Variants in MAPK4 observed in about 807,000 individuals in gnomAD.
The protein encoded by MAPK4 is mitogen-activated protein kinase 4.
In MAPK4, 22 loss-of-function variants were observed where a neutral mutation model predicts 47.7. The observed-to-expected ratio is 0.46, with a 90% CI of 0.33 to 0.66. The LOEUF (loss-of-function observed/expected upper bound fraction) is 0.66, where lower values mean the gene tolerates loss of function less well. Among genes scored for constraint, MAPK4 ranks in the 30% least tolerant of loss-of-function variants. MAPK4 has a pLI of 0.02. For synonymous variants in MAPK4, 390 were observed against 365.7 expected (o/e 1.07, Z -0.76); for missense variants, 736 against 831.7 (o/e 0.88, Z 1.42).
At chr18:50,710,711 C>T (rs1032082238) in intron 2 of MAPK4, among the ~76,000 whole-genome samples, 2 of 151,960 alleles carry the variant, frequency 1.3e-5, no homozygotes, top group South Asian at 2.1e-4. Flanking sequence ...ACCCGGGAGG[C>T]GGAGCTTGCA....
chr18:50,638,699 A>T (rs772792798), intron 1 of MAPK4, among the ~76,000 whole-genome samples: 17 of 152,240 alleles, frequency 1.1e-4, no homozygotes, highest in Non-Finnish European at 2.4e-4. Context: ...TCGGAGAGAG[A>T]TGAAGTTCTG....
intron 1 of MAPK4, among the ~76,000 whole-genome samples, chr18:50,582,466 A>G (rs149220931): frequency 8.6e-4 from 131 of 152,384 alleles, no homozygotes; most frequent in African/African-American, 3.0e-3. Flanking sequence ...TGTTGCACCA[A>G]GAATTCCTGC....
chr18:50,564,753 A>G (rs1244593565), intron 1 of MAPK4, among the ~76,000 whole-genome samples: 1 of 152,182 alleles, frequency 6.6e-6, no homozygotes, highest in Non-Finnish European at 1.5e-5. Flanking sequence ...GCTGATTTAT[A>G]TACCACAACT....
intron 1 of MAPK4, among the ~76,000 whole-genome samples, chr18:50,568,118 C>G (rs2042217195): frequency 6.6e-6 from 1 of 151,564 alleles, no homozygotes; most frequent in Admixed American, 6.6e-5. Flanking sequence ...ATGGCATGAA[C>G]CCAGGAGGTG....
chr18:50,617,194 C>T (rs1350724205), intron 1 of MAPK4, among the ~76,000 whole-genome samples: 3 of 151,790 alleles, frequency 2.0e-5, no homozygotes, highest in African/African-American at 4.8e-5. Context: ...CAAAATAAGG[C>T]ATAGTAGAGC....
At chr18:50,609,402 C>T (rs1478994988) in intron 1 of MAPK4, among the ~76,000 whole-genome samples, 2 of 151,544 alleles carry the variant, frequency 1.3e-5, no homozygotes, top group African/African-American at 4.8e-5. Context: ...CCCCGCCTCC[C>T]TCCCGGACGG....
intron 3 of MAPK4, among the ~76,000 whole-genome samples, chr18:50,715,756 G>A (rs1207232427): frequency 2.6e-5 from 4 of 152,192 alleles, no homozygotes; most frequent in Non-Finnish European, 1.5e-5. Context: ...AGAAATAAAT[G>A]TTTGTTGTTT....
chr18:50,615,840 A>G (rs1351058586), intron 1 of MAPK4, among the ~76,000 whole-genome samples: 1 of 152,240 alleles, frequency 6.6e-6, no homozygotes, highest in African/African-American at 2.4e-5. Flanking sequence ...ATTGCAGGCC[A>G]GAGGCTACCT....
intron 2 of MAPK4, among the ~76,000 whole-genome samples, chr18:50,707,990 A>C (rs554852103): frequency 6.6e-6 from 1 of 152,314 alleles, no homozygotes; most frequent in African/African-American, 2.4e-5. Context: ...GATTTAGCCA[A>C]ACGATTTCTT....
intron 3 of MAPK4, among the ~76,000 whole-genome samples, chr18:50,720,282 G>A (rs1404599160): frequency 6.6e-6 from 1 of 152,132 alleles, no homozygotes; most frequent in East Asian, 1.9e-4. Context: ...TAGAAGCAAA[G>A]GAAGTCAAGA....
intron 2 of MAPK4, among the ~76,000 whole-genome samples, chr18:50,687,684 C>T (rs915322594): frequency 1.3e-5 from 2 of 151,496 alleles, no homozygotes; most frequent in African/African-American, 2.5e-5. Flanking sequence ...CGAGACTCTG[C>T]GGTGTGACCT....
At chr18:50,638,946 C>T (rs2042913620) in intron 1 of MAPK4, among the ~76,000 whole-genome samples, 1 of 152,200 alleles carries the variant, frequency 6.6e-6, no homozygotes, top group Non-Finnish European at 1.5e-5. Context: ...TAGGAAACAG[C>T]AGAGCCAGGG....
At chr18:50,651,980 C>T (rs1383940009) in intron 1 of MAPK4, among the ~76,000 whole-genome samples, 4 of 152,220 alleles carry the variant, frequency 2.6e-5, no homozygotes, top group Admixed American at 6.5e-5. Context: ...ACTTAATTCG[C>T]GATGGGTGCT....
intron 1 of MAPK4, among the ~76,000 whole-genome samples, chr18:50,602,958 G>A (rs1482018141): frequency 1.3e-5 from 2 of 152,120 alleles, no homozygotes; most frequent in African/African-American, 4.8e-5. Context: ...CCAAGATGGG[G>A]ACTTCCCTGA....
chr18:50,716,512 G>T (rs1349654442), intron 3 of MAPK4, among the ~76,000 whole-genome samples: 1 of 152,134 alleles, frequency 6.6e-6, no homozygotes, highest in Non-Finnish European at 1.5e-5. Context: ...GGCTAACTTT[G>T]TAGAGGCTGG....
chr18:50,709,364 G>A (rs55845409), intron 2 of MAPK4, among the ~76,000 whole-genome samples: 35,488 of 152,160 alleles, frequency 0.23, 4,670 homozygotes, highest in East Asian at 0.37. Context: ...TGGGGGAAGC[G>A]TGATGGGGTG....
chr18:50,572,174 A>G (rs1442036524), intron 1 of MAPK4, among the ~76,000 whole-genome samples: 1 of 152,232 alleles, frequency 6.6e-6, no homozygotes, highest in Non-Finnish European at 1.5e-5. Flanking sequence ...CGACCCAGCC[A>G]TCTGCTGTGT....
chr18:50,565,515 G>A (rs553956771), intron 1 of MAPK4, among the ~76,000 whole-genome samples: 14 of 152,324 alleles, frequency 9.2e-5, no homozygotes, highest in Admixed American at 2.6e-4. Context: ...CCTGGGATGA[G>A]ATGTCCTTGC....
intron 5 of MAPK4, among the ~76,000 whole-genome samples, chr18:50,726,401 G>A (rs1415344143): frequency 6.6e-6 from 1 of 152,096 alleles, no homozygotes; most frequent in Admixed American, 6.6e-5. Context: ...AACACCCCCA[G>A]CTTCCCTCAC....
Sources: allele counts gnomAD v4.1 joint callset (sites outside exome capture counted in the v4.1 genomes callset), GRCh38; gene constraint gnomAD v4.1.1; transcripts MANE v1.5; gene names NCBI Gene and HGNC (gene_info 2026-07-23, HGNC 2026-07-21).